ICE1: variants seen among roughly 807,000 people sequenced by gnomAD.
The protein encoded by ICE1 is interactor of little elongation complex ELL subunit 1, also known as little elongation complex subunit 1.
A neutral mutation model predicts 192.7 loss-of-function variants in ICE1; 64 were observed. The ratio of observed to expected loss-of-function variants is 0.33; its 90% CI spans 0.27 to 0.41. The LOEUF (loss-of-function observed/expected upper bound fraction) is 0.41. ICE1 is among the 10% of genes least tolerant of loss of function. The pLI is 1.00. For missense variants in ICE1, 2,708 were observed against 2,696.0 expected, an observed-to-expected ratio of 1.00 and a Z score of -0.10; for synonymous variants, 1,010 against 984.5, an observed-to-expected ratio of 1.03 and a Z score of -0.49.
At chr5:5,431,168 A>C (rs1419528430) in intron 1 of ICE1, among the ~76,000 whole-genome samples, 1 of 152,200 alleles carries the variant, frequency 6.6e-6, no homozygotes, top group Non-Finnish European at 1.5e-5. Flanking sequence ...TTGGCAACTC[A>C]AAATGACATC....
chr5:5,464,822 G>T lies in ICE1; in HGVS notation c.5488G>T (p.Asp1830Tyr), dbSNP rs775245592. 67 of 1,613,462 alleles carry T rather than the reference G, an allele frequency of 4.2e-5. No homozygotes were observed. The highest frequency in any genetic ancestry group is 5.2e-5 in the Non-Finnish European group (61 of 1,179,718). ...GTCAAGAGATTTGGGGACTCAGCAGGATTCAAGCGGGAAAAGAACACTGTC... is the reference window on the plus strand; with the variant it reads ...GTCAAGAGATTTGGGGACTCAGCAGTATTCAAGCGGGAAAAGAACACTGTC... ...DKSRDLGTQQDSSGKRTLSTS... is the reference protein window; with the variant it reads ...DKSRDLGTQQYSSGKRTLSTS... The change falls in exon 13 of 19, where the codon GAT becomes TAT. Residue 1830 changes from aspartate to tyrosine, a missense_variant. Around this residue, in one of 2 missense-constraint regions of ICE1, gnomAD observed 2,366 missense variants for 2,276.6 expected, o/e 1.04. Transcript: ENST00000296564. This position sits in a 1 kb window ranked among gnomAD's most constrained non-coding sequence, Gnocchi z 4.0.
chr5:5,484,454 G>T (rs969444600), intron 17 of ICE1, among the ~76,000 whole-genome samples: 3 of 152,222 alleles, frequency 2.0e-5, no homozygotes, highest in Admixed American at 6.5e-5. Context: ...CCAGAGGACA[G>T]ATCCAGTGGT....
chr5:5,443,161 T>C lies in ICE1; in HGVS notation c.310-7T>C. ...TGACAATATCTGTTTTTTTTCTTTT[T>C]TTAAAGAGTTCTTTAAAGTTGTATC... On this transcript the variant is annotated splice_polypyrimidine_tract_variant and splice_region_variant and intron_variant, in intron 5 of 18. Coordinates refer to ENST00000296564, the MANE Select transcript of ICE1 (RefSeq NM_015325.3). 6.9e-7 allele frequency: 1 copy of C among 1,456,608 alleles called. No individual in the cohort carries two copies. Among genetic ancestry groups the C allele is most frequent in the Non-Finnish European group, 9.2e-7 (1 of 1,082,740 alleles). The allele number at this position is 1,456,608 out of a possible 1,614,324, so 90.2% of individuals were successfully genotyped here. A position where few individuals can be genotyped will look rare whatever the true frequency, so the allele number is the denominator to read the frequency against.
At chr5:5,466,102 A>G (rs1040471727) in intron 13 of ICE1, among the ~76,000 whole-genome samples, 11 of 152,164 alleles carry the variant, frequency 7.2e-5, no homozygotes, top group Non-Finnish European at 1.0e-4. Context: ...TGCAGCATTT[A>G]CCAGCCATAG....
At chr5:5,469,289 A>G (rs138991823) in intron 15 of ICE1, among the ~76,000 whole-genome samples, 2 of 152,214 alleles carry the variant, frequency 1.3e-5, no homozygotes, top group African/African-American at 2.4e-5. Flanking sequence ...AGAAGCTACA[A>G]AATTATTTGG....
intron 10 of ICE1, 139 bp downstream of exon 10, chr5:5,448,036 G>A (rs1738293056): frequency 1.8e-5 from 11 of 618,138 alleles, no homozygotes. Flanking sequence ...ATATATTATT[G>A]TGTCTTCATT....
intron 11 of ICE1, 67 bp from the exon 12 acceptor site, chr5:5,457,265 T>C: frequency 1.4e-6 from 2 of 1,382,942 alleles, no homozygotes; most frequent in Non-Finnish European, 1.9e-6. Flanking sequence ...TTTCTTTCTT[T>C]CTTTTTTTTT....
chr5:5,465,134 C>T lies in ICE1; in HGVS notation c.5800C>T (p.Arg1934Cys), dbSNP rs1010859118. ...TTCTTTTGATCTGTTACCTGTCATT[C>T]GTAGTCATGTGTATGTGGGAAATAT... ...EFSFDLLPVI[R>C]SHVYVGNISK... is the part of the protein sequence containing the mutation. Residue 1934 changes from arginine (R) to cysteine (C), a missense_variant, in exon 13 of 19, where the codon CGT becomes TGT. Physicochemically the swap from Arg to Cys is radical, Grantham distance 180. Transcript: ENST00000296564. 1 of 1,611,008 alleles carries T rather than the reference C, an allele frequency of 6.2e-7. No individual in the cohort carries two copies. Among genetic ancestry groups the T allele is most frequent in the East Asian group, 2.2e-5 (1 of 44,850 alleles).
chr5:5,447,679 T>G, intron 8 of ICE1, 42 bp from the exon 9 acceptor site: 1 of 1,529,464 alleles, frequency 6.5e-7, no homozygotes, highest in Non-Finnish European at 8.9e-7. Context: ...ATGGCTGCAC[T>G]TCTTATTCAG....
Position 5,460,213 on chromosome 5 carries a change from G to A in ICE1, c.1102-223G>A, listed in dbSNP as rs1038405139. On this transcript the variant is annotated intron_variant, in intron 12 of 18. Coordinates refer to ENST00000296564, the MANE Select transcript of ICE1 (RefSeq NM_015325.3). Reference sequence around the variant, plus strand: ...AAGCATGTCTGTTATTGGGGGAGGTGTCTCTGCGGGGTGCTGGGCACCCTT... The same window carrying A: ...AAGCATGTCTGTTATTGGGGGAGGTATCTCTGCGGGGTGCTGGGCACCCTT... Among the ~76,000 whole-genome samples, 4 of 152,196 alleles carry A rather than the reference G, an allele frequency of 2.6e-5. No homozygotes were observed. The East Asian group carries it at 5.8e-4, about 22-fold the overall frequency.
intron 17 of ICE1, among the ~76,000 whole-genome samples, chr5:5,482,775 A>AAC (rs70965943): frequency 0.13 from 18,041 of 135,806 alleles, 1,297 homozygotes; most frequent in Non-Finnish European, 0.16. Flanking sequence ...CCCACCCCCC[A>AAC]ACACACACAC....
At position 5,461,044 on chromosome 5, in the gene ICE1, T is replaced by C. The variant is rs1387812597; in HGVS notation, c.1710T>C (p.Asn570=). ...KSEFTKWTRI[N]EITSEPDRIT... is the part of the protein sequence containing the mutation. ...AGTTTACTAAGTGGACACGAATTAATGAAATCACTTCTGAACCAGACCGTA... is the reference window on the plus strand; with the variant it reads ...AGTTTACTAAGTGGACACGAATTAACGAAATCACTTCTGAACCAGACCGTA... The change falls in exon 13 of 19, where the codon AAT becomes AAC. Residue 570 remains asparagine, a synonymous_variant. Coordinates refer to ENST00000296564, the MANE Select transcript of ICE1 (RefSeq NM_015325.3). The C allele has an allele frequency of 6.2e-7, 1 of 1,614,058 alleles. No homozygotes were observed. The highest frequency in any genetic ancestry group is 8.5e-7 in the Non-Finnish European group (1 of 1,179,898).
chr5:5,457,802 C>A, intron 12 of ICE1, 61 bp downstream of exon 12: 1 of 1,431,568 alleles, frequency 7.0e-7, no homozygotes, highest in Non-Finnish European at 9.6e-7. Context: ...CTAATATGTC[C>A]TTGATGCTCA....
chr5:5,479,442 A>G (rs892319382), intron 17 of ICE1, among the ~76,000 whole-genome samples: 15 of 152,198 alleles, frequency 9.9e-5, no homozygotes, highest in Non-Finnish European at 2.1e-4. Flanking sequence ...GTCAGGAAAC[A>G]ACAGATGCTG....
chr5:5,476,422 C>T (rs1019164926), intron 17 of ICE1, among the ~76,000 whole-genome samples: 1 of 151,950 alleles, frequency 6.6e-6, no homozygotes, highest in Non-Finnish European at 1.5e-5. Context: ...TTGTATTAAG[C>T]CATTCTTGCA....
At chr5:5,487,044 T>G (rs983522584) in intron 18 of ICE1, among the ~76,000 whole-genome samples, 2 of 152,216 alleles carry the variant, frequency 1.3e-5, no homozygotes, top group African/African-American at 2.4e-5. Context: ...TGGGCACTGC[T>G]TTCCTAAGGA....
intron 11 of ICE1, among the ~76,000 whole-genome samples, chr5:5,456,090 A>G (rs1738573212): frequency 2.0e-5 from 3 of 152,168 alleles, no homozygotes; most frequent in Admixed American, 2.0e-4. Flanking sequence ...TATTTGTGGC[A>G]AGAACGTCAC....
At chr5:5,489,127 C>T in intron 18 of ICE1, 22 bp from the exon 19 acceptor site, 1 of 1,606,448 alleles carries the variant, frequency 6.2e-7, no homozygotes, top group South Asian at 1.1e-5. Flanking sequence ...TGTTTTATGA[C>T]TGATCTGAAA....
intron 17 of ICE1, among the ~76,000 whole-genome samples, chr5:5,483,301 C>A (rs567880162): frequency 6.6e-6 from 1 of 152,250 alleles, no homozygotes; most frequent in Non-Finnish European, 1.5e-5. Context: ...CGGCCACTGT[C>A]TATTCTTAAT....
Sources: allele counts gnomAD v4.1 joint callset (sites outside exome capture counted in the v4.1 genomes callset), GRCh38; gene constraint gnomAD v4.1.1; regional missense constraint gnomAD v4.1.1; non-coding constraint Gnocchi (gnomAD v3.1); transcripts MANE v1.5; gene names NCBI Gene and HGNC (gene_info 2026-07-23, HGNC 2026-07-21).